Variants in NOL10 observed in about 807,000 individuals in gnomAD.
NOL10 encodes the protein H_NH0074G24.1.
Under a neutral mutation model 103.5 loss-of-function variants are expected in NOL10, and 58 were observed. The ratio of observed to expected loss-of-function variants is 0.56; its 90% CI spans 0.45 to 0.70. The LOEUF is 0.70. NOL10 is among the 30% of genes least tolerant of loss of function. The probability of loss-of-function intolerance (pLI) is 0.00; values close to 1 mark genes in which losing one functional copy is unlikely to be tolerated. For missense variants in NOL10, 763 were observed against 807.3 expected, an observed-to-expected ratio of 0.95 and a Z score of 0.67; for synonymous variants, 287 against 282.5, an observed-to-expected ratio of 1.02 and a Z score of -0.16.
chr2:10,612,426 T>C (rs1676620698), intron 13 of NOL10, among the ~76,000 whole-genome samples: 1 of 152,220 alleles, frequency 6.6e-6, no homozygotes, highest in South Asian at 2.1e-4. Context: ...TTATCTAACG[T>C]ACTATTAATG....
chr2:10,657,418 T>C (rs1427034819), intron 11 of NOL10, among the ~76,000 whole-genome samples: 2 of 152,202 alleles, frequency 1.3e-5, no homozygotes, highest in Non-Finnish European at 2.9e-5. Flanking sequence ...CCTACACCTG[T>C]GAGGGAATCT....
At chr2:10,654,460 C>G in intron 12 of NOL10, 21 bp downstream of exon 12, 1 of 1,509,328 alleles carries the variant, frequency 6.6e-7, no homozygotes, top group East Asian at 2.3e-5. Flanking sequence ...TCTCACTGAA[C>G]GTTCACTACA....
rs150203535 is a variant in NOL10, at chr2:10,572,011, C to G, written c.*60G>C. The stretch of plus-strand genomic sequence containing the variant: ...TCCTCGTCTGTGTTTAACACCCTAA[C>G]GATGATCAGTTTGGGGGAGACGTAC... On this transcript the variant is annotated 3_prime_UTR_variant, in exon 21 of 21. Coordinates refer to ENST00000381685, the MANE Select transcript of NOL10 (RefSeq NM_024894.4). 6.9e-6 allele frequency: 11 copies of G among 1,591,948 alleles called. No homozygotes were observed. In the African/African-American group the frequency reaches 1.3e-4, roughly 19 times the overall value.
chr2:10,637,908 T>C (rs1678376785), intron 13 of NOL10, among the ~76,000 whole-genome samples: 1 of 151,198 alleles, frequency 6.6e-6, no homozygotes, highest in African/African-American at 2.4e-5. Context: ...AATGTTAAAA[T>C]ATTTAATCAG....
Position 10,689,672 on chromosome 2 carries a change from C to T in NOL10, c.66+124G>A, listed in dbSNP as rs1257418259. The T allele has an allele frequency of 1.3e-5, 13 of 977,866 alleles. No homozygotes were observed. In the Admixed American group the frequency reaches 2.8e-4, roughly 21 times the overall value. 60.6% of individuals were successfully genotyped at this position (977,866 alleles called of 1,614,324 possible). On this transcript the variant is annotated intron_variant, in intron 1 of 20. Coordinates refer to ENST00000381685, the MANE Select transcript of NOL10 (RefSeq NM_024894.4). ...AAATTGTCAGCCGCCTCTGGGCCTC[C>T]CCGAGTCGGGGGGTGACCAGCGTCC...
chr2:10,681,993 A>G lies in NOL10; in HGVS notation c.189T>C (p.Asp63=). The G allele has an allele frequency of 6.8e-7, 1 of 1,480,572 alleles. No individual in the cohort carries two copies. The highest frequency in any genetic ancestry group is 9.0e-7 in the Non-Finnish European group (1 of 1,106,616). The allele number at this position is 1,480,572 out of a possible 1,614,324, so 91.7% of individuals were successfully genotyped here. A position where few individuals can be genotyped will look rare whatever the true frequency, so the allele number is the denominator to read the frequency against. The change falls in exon 3 of 21, where the codon GAT becomes GAC. Residue 63 remains aspartate, a synonymous_variant. Transcript: ENST00000381685. ...TVCTTIKVSK[D]GQYILATGTY... ...TACCAGTTGCTAAAATGTACTGTCCATCTTTTGACACCTTAATAGTGGTAC... is the reference window on the plus strand; with the variant it reads ...TACCAGTTGCTAAAATGTACTGTCCGTCTTTTGACACCTTAATAGTGGTAC...
intron 17 of NOL10, among the ~76,000 whole-genome samples, chr2:10,597,092 C>T (rs1675732385): frequency 6.6e-6 from 1 of 152,162 alleles, no homozygotes; most frequent in Non-Finnish European, 1.5e-5. Flanking sequence ...GCCTCAGCCA[C>T]CCAAAGTATT....
intron 13 of NOL10, among the ~76,000 whole-genome samples, chr2:10,630,350 T>G (rs1260529361): frequency 1.3e-5 from 2 of 152,228 alleles, no homozygotes; most frequent in Non-Finnish European, 2.9e-5. Context: ...AAGTTATTTC[T>G]ACTATGCAAT....
At chr2:10,615,552 G>A (rs1269673144) in intron 13 of NOL10, among the ~76,000 whole-genome samples, 1 of 152,148 alleles carries the variant, frequency 6.6e-6, no homozygotes, top group Admixed American at 6.5e-5. Flanking sequence ...GGTTAATAGT[G>A]GTACCCCCAT....
At chr2:10,645,944 T>TACACAC (rs57494359) in intron 12 of NOL10, among the ~76,000 whole-genome samples, 30,587 of 147,526 alleles carry the variant, frequency 0.21, 3,811 homozygotes, top group East Asian at 0.37. Flanking sequence ...CACACACACA[T>TACACAC]ACACACACAC....
chr2:10,646,204 A>G (rs1163885572), intron 12 of NOL10, among the ~76,000 whole-genome samples: 1 of 152,186 alleles, frequency 6.6e-6, no homozygotes, highest in African/African-American at 2.4e-5. Context: ...AAAGATCTCC[A>G]GGAGCCTTTG....
At position 10,587,168 on chromosome 2, in the gene NOL10, CACAT is replaced by C. The variant is rs1390755019; in HGVS notation, c.1844+1871_1844+1874del. 2.5e-4 allele frequency among the ~76,000 whole-genome samples: 9 copies of C among 35,946 alleles called. 1 individual carries two copies. Among genetic ancestry groups the C allele is most frequent in the East Asian group, 2.0e-3 (2 of 1,000 alleles). 23.6% of individuals were successfully genotyped at this position (35,946 alleles called of 152,430 possible). The stretch of plus-strand genomic sequence containing the variant: ...ATATATACATATATACACATATATA[CACAT>C]ATATATACACATATATATACACATA... On this transcript the variant is annotated intron_variant, in intron 19 of 20. Coordinates refer to ENST00000381685, the MANE Select transcript of NOL10 (RefSeq NM_024894.4).
At chr2:10,616,231 T>C (rs1676827442) in intron 13 of NOL10, among the ~76,000 whole-genome samples, 1 of 126,510 alleles carries the variant, frequency 7.9e-6, no homozygotes, top group African/African-American at 2.7e-5. Context: ...TTTTTTTTTT[T>C]TTTTTTTTTT....
At position 10,681,642 on chromosome 2, in the gene NOL10, C is replaced by T. The variant is rs533704125; in HGVS notation, c.211+329G>A. 2.0e-4 allele frequency among the ~76,000 whole-genome samples: 31 copies of T among 152,300 alleles called. No individual in the cohort carries two copies. The East Asian group carries it at 5.6e-3, about 27-fold the overall frequency. On this transcript the variant is annotated intron_variant, in intron 3 of 20. Coordinates refer to ENST00000381685, the MANE Select transcript of NOL10 (RefSeq NM_024894.4). Reference sequence around the variant, plus strand: ...TAAGTAAATACTGATAAATATTGAACTCCAGCTAATGATATACTTGCTGAA... The same window carrying T: ...TAAGTAAATACTGATAAATATTGAATTCCAGCTAATGATATACTTGCTGAA...
At chr2:10,671,743 C>T in intron 5 of NOL10, 53 bp from the exon 6 acceptor site, 1 of 1,382,280 alleles carries the variant, frequency 7.2e-7, no homozygotes, top group Middle Eastern at 2.0e-4. Context: ...TAGGTGTTTA[C>T]TTCATTATCG....
intron 13 of NOL10, among the ~76,000 whole-genome samples, chr2:10,635,676 G>A (rs922006611): frequency 6.6e-6 from 1 of 152,170 alleles, no homozygotes; most frequent in Non-Finnish European, 1.5e-5. Context: ...CCCTCACCTA[G>A]ATTGTAAGCT....
At chr2:10,596,514 G>A (rs1228036605) in intron 17 of NOL10, among the ~76,000 whole-genome samples, 3 of 152,062 alleles carry the variant, frequency 2.0e-5, no homozygotes, top group Non-Finnish European at 2.9e-5. Context: ...CCTCGCATGC[G>A]CAGTTCACAA....
intron 13 of NOL10, among the ~76,000 whole-genome samples, chr2:10,617,349 C>T (rs907848567): frequency 6.6e-6 from 1 of 152,144 alleles, no homozygotes; most frequent in African/African-American, 2.4e-5. Context: ...AGAGGCTGGG[C>T]GACTGACTGG....
chr2:10,575,721 G>A (rs9973898), intron 20 of NOL10, among the ~76,000 whole-genome samples: 84,122 of 152,040 alleles, frequency 0.55, 25,163 homozygotes, highest in Non-Finnish European at 0.7. Context: ...CAACCCAGCA[G>A]AGGGGCCTCT....
Sources: gnomAD v4.1 joint callset for allele counts (sites outside exome capture counted in the v4.1 genomes callset) on GRCh38, gnomAD v4.1.1 for gene constraint, MANE v1.5 for transcripts, NCBI Gene and HGNC (gene_info 2026-07-23, HGNC 2026-07-21) for gene names.